Variants in PTPRK observed in about 807,000 individuals in gnomAD.
The protein encoded by PTPRK is receptor-type tyrosine-protein phosphatase kappa.
PTPRK carries 75 observed loss-of-function variants against 178.0 expected under a neutral mutation model. The ratio of observed to expected loss-of-function variants is 0.42; its 90% CI spans 0.35 to 0.51. The LOEUF is 0.51. Among genes scored for constraint, PTPRK ranks in the 20% least tolerant of loss-of-function variants. PTPRK has a pLI of 0.02. For missense variants in PTPRK, 1,441 were observed against 1,797.8 expected (o/e 0.80, Z 3.59); for synonymous variants, 637 against 620.6 (o/e 1.03, Z -0.39).
intron 1 of PTPRK, among the ~76,000 whole-genome samples, chr6:128,505,441 C>CA (rs1030314983): frequency 1.4e-4 from 21 of 150,758 alleles, no homozygotes; most frequent in South Asian, 2.1e-4. Context: ...AACTCTGTCT[C>CA]AAAAAAAATA....
chr6:128,161,141 A>C (rs1476466293), intron 7 of PTPRK, among the ~76,000 whole-genome samples: 1 of 151,764 alleles, frequency 6.6e-6, no homozygotes, highest in Middle Eastern at 3.2e-3. Context: ...GCCCATGTTT[A>C]AGAACACAAT....
At chr6:128,492,576 C>T (rs146811160) in intron 1 of PTPRK, among the ~76,000 whole-genome samples, 2 of 152,176 alleles carry the variant, frequency 1.3e-5, no homozygotes, top group African/African-American at 2.4e-5. Flanking sequence ...CATGGAGACA[C>T]AATAATATTT....
At chr6:128,228,710 T>TA (rs1199184164) in intron 5 of PTPRK, among the ~76,000 whole-genome samples, 3 of 143,874 alleles carry the variant, frequency 2.1e-5, no homozygotes, top group Non-Finnish European at 3.1e-5. Context: ...TTTTCTAAAA[T>TA]AAAAAAAAAG....
intron 7 of PTPRK, among the ~76,000 whole-genome samples, chr6:128,178,319 G>A (rs768744003): frequency 2.0e-5 from 3 of 151,760 alleles, no homozygotes; most frequent in African/African-American, 4.8e-5. Flanking sequence ...GCAGTCCTGC[G>A]TGTGGCGATG....
chr6:128,353,339 C>G (rs1562339722), intron 2 of PTPRK, among the ~76,000 whole-genome samples: 1 of 152,060 alleles, frequency 6.6e-6, no homozygotes, highest in African/African-American at 2.4e-5. Context: ...ATTTACCATG[C>G]TAGATAGCAA....
At chr6:128,204,847 C>G (rs554057671) in intron 6 of PTPRK, among the ~76,000 whole-genome samples, 1 of 152,152 alleles carries the variant, frequency 6.6e-6, no homozygotes, top group African/African-American at 2.4e-5. Flanking sequence ...TTGCGGAAGA[C>G]AGTGTGGCAA....
At chr6:128,377,205 G>A (rs556418441) in intron 2 of PTPRK, among the ~76,000 whole-genome samples, 1 of 152,240 alleles carries the variant, frequency 6.6e-6, no homozygotes, top group Admixed American at 6.5e-5. Context: ...CTGACGTTGG[G>A]TAATTTATGC....
chr6:128,193,280 G>GAAAA lies in PTPRK; in HGVS notation c.869-8559_869-8556dup, dbSNP rs778872277. Among the ~76,000 whole-genome samples the GAAAA allele has an allele frequency of 1.3e-3, 74 of 57,716 alleles. 6 individuals are homozygous for GAAAA. The highest frequency in any genetic ancestry group is 3.1e-3 in the African/African-American group (51 of 16,412). The allele number at this position is 57,716 out of a possible 152,430, so 37.9% of individuals were successfully genotyped here. ...GAATCAAATGATTTATCCAGCTTGT[G>GAAAA]AAAAAAAAAAAAAAAAAAAAAAAAG... On this transcript the variant is annotated intron_variant, in intron 6 of 29. Coordinates refer to ENST00000368226, the MANE Select transcript of PTPRK (RefSeq NM_002844.4).
intron 5 of PTPRK, among the ~76,000 whole-genome samples, chr6:128,225,322 TTTG>T (rs1284580530): frequency 1.3e-5 from 2 of 152,180 alleles, no homozygotes; most frequent in Non-Finnish European, 2.9e-5. Flanking sequence ...TTTTCTTATG[TTTG>T]ATATTTAGGT....
chr6:128,373,625 C>T (rs1038076980), intron 2 of PTPRK, among the ~76,000 whole-genome samples: 12 of 152,070 alleles, frequency 7.9e-5, no homozygotes, highest in African/African-American at 2.9e-4. Context: ...TTCTTCTAGG[C>T]CTAGTATTCT....
chr6:128,149,503 G>A (rs1796970795), intron 7 of PTPRK, among the ~76,000 whole-genome samples: 1 of 152,094 alleles, frequency 6.6e-6, no homozygotes, highest in South Asian at 2.1e-4. Flanking sequence ...GCATTAGACA[G>A]CTTTGGAATT....
At chr6:128,091,409 CA>C (rs1786921919) in intron 7 of PTPRK, among the ~76,000 whole-genome samples, 1 of 152,106 alleles carries the variant, frequency 6.6e-6, no homozygotes, top group Admixed American at 6.5e-5. Context: ...CAATTTAGTC[CA>C]GTTAGACCGA....
intron 1 of PTPRK, among the ~76,000 whole-genome samples, chr6:128,473,263 T>G (rs1007633435): frequency 2.6e-5 from 4 of 152,068 alleles, no homozygotes; most frequent in Non-Finnish European, 4.4e-5. Context: ...ATGATGAGAT[T>G]CAGGTAATGC....
intron 2 of PTPRK, among the ~76,000 whole-genome samples, chr6:128,338,269 T>C (rs866616198): frequency 6.6e-6 from 1 of 152,056 alleles, no homozygotes; most frequent in African/African-American, 2.4e-5. Flanking sequence ...TAGTAATAGA[T>C]GATGGAGGTG....
chr6:128,208,786 T>C (rs1056618495), intron 6 of PTPRK, among the ~76,000 whole-genome samples: 8 of 152,158 alleles, frequency 5.3e-5, no homozygotes, highest in African/African-American at 1.9e-4. Flanking sequence ...TATTGAGTCT[T>C]TACTTAATGC....
intron 21 of PTPRK, among the ~76,000 whole-genome samples, chr6:127,987,662 C>A (rs1433285296): frequency 6.6e-6 from 1 of 151,958 alleles, no homozygotes; most frequent in South Asian, 2.1e-4. Context: ...AATAATTTGT[C>A]TTTTCTAGTA....
chr6:128,470,585 A>C (rs1850491584), intron 1 of PTPRK, among the ~76,000 whole-genome samples: 1 of 151,934 alleles, frequency 6.6e-6, no homozygotes, highest in South Asian at 2.1e-4. Context: ...GAAACTTAGA[A>C]AGTGTTTCAG....
intron 5 of PTPRK, chr6:128,238,275 T>C: frequency 5.4e-6 from 2 of 367,500 alleles, no homozygotes; most frequent in Non-Finnish European, 1.0e-5. Flanking sequence ...TTACCTCTCA[T>C]CTTTGCTACA....
At chr6:128,407,092 T>TTGAAATAAA (rs1841742939) in intron 1 of PTPRK, among the ~76,000 whole-genome samples, 1 of 152,198 alleles carries the variant, frequency 6.6e-6, no homozygotes, top group Non-Finnish European at 1.5e-5. Flanking sequence ...TGTCAATTAA[T>TTGAAATAAA]TTGAAAATTT....
Sources: gnomAD v4.1 joint callset for allele counts (sites outside exome capture counted in the v4.1 genomes callset) on GRCh38, gnomAD v4.1.1 for gene constraint, MANE v1.5 for transcripts, NCBI Gene and HGNC (gene_info 2026-07-23, HGNC 2026-07-21) for gene names.